The following ATP9B variants were observed in gnomAD, a reference collection of about 807,000 sequenced individuals.
ATP9B encodes the protein probable phospholipid-transporting ATPase IIB.
A neutral mutation model predicts 146.1 loss-of-function variants in ATP9B; 110 were observed. The observed-to-expected ratio is 0.75, with a 90% CI of 0.65 to 0.88. The LOEUF (loss-of-function observed/expected upper bound fraction) is 0.88. Ranked by LOEUF, ATP9B falls within the 40% of genes least tolerant of loss-of-function variation. ATP9B has a pLI of 0.00. For synonymous variants in ATP9B, 604 were observed against 569.7 expected (o/e 1.06, Z -0.86); for missense variants, 1,499 against 1,496.4 (o/e 1.00, Z -0.03).
intron 15 of ATP9B, among the ~76,000 whole-genome samples, chr18:79,319,686 T>C (rs2096704605): frequency 6.6e-6 from 1 of 152,214 alleles, no homozygotes; most frequent in East Asian, 1.9e-4. Flanking sequence ...AGAATATCTG[T>C]ACCGTATATC....
intron 1 of ATP9B, among the ~76,000 whole-genome samples, chr18:79,072,351 C>T (rs2071955918): frequency 6.6e-6 from 1 of 152,118 alleles, no homozygotes; most frequent in South Asian, 2.1e-4. Context: ...GTGGTGATGA[C>T]TCTTAACGAG....
intron 2 of ATP9B, among the ~76,000 whole-genome samples, chr18:79,107,614 C>T (rs1217530788): frequency 6.6e-6 from 1 of 152,166 alleles, no homozygotes; most frequent in Admixed American, 6.5e-5. Flanking sequence ...GACCAAGGAG[C>T]TTCCATAGGG....
intron 7 of ATP9B, among the ~76,000 whole-genome samples, chr18:79,167,896 C>G (rs73486150): frequency 7.9e-5 from 9 of 114,168 alleles, no homozygotes; most frequent in Non-Finnish European, 1.5e-4. Flanking sequence ...GTATGGTTCC[C>G]AGGCTGTTTG....
At chr18:79,157,224 AC>A (rs2094799755) in intron 7 of ATP9B, among the ~76,000 whole-genome samples, 2 of 150,162 alleles carry the variant, frequency 1.3e-5, no homozygotes, top group African/African-American at 4.9e-5. Flanking sequence ...ACACACACAC[AC>A]ACACACACAC....
At chr18:79,208,408 G>T (rs186700035) in intron 10 of ATP9B, among the ~76,000 whole-genome samples, 3 of 152,290 alleles carry the variant, frequency 2.0e-5, no homozygotes, top group Admixed American at 2.0e-4. Context: ...CTGAGAGACA[G>T]TACCTTGAAG....
At chr18:79,215,809 C>T (rs995626849) in intron 11 of ATP9B, among the ~76,000 whole-genome samples, 2 of 152,088 alleles carry the variant, frequency 1.3e-5, no homozygotes, top group South Asian at 4.1e-4. Flanking sequence ...CCTGCCTCAG[C>T]CTTGCGAGTA....
intron 1 of ATP9B, among the ~76,000 whole-genome samples, chr18:79,080,817 GTT>G (rs2073168286): frequency 6.6e-6 from 1 of 152,202 alleles, no homozygotes; most frequent in Admixed American, 6.5e-5. Flanking sequence ...TTTATTGAGA[GTT>G]TTCAGCATGA....
intron 5 of ATP9B, among the ~76,000 whole-genome samples, chr18:79,130,113 G>T (rs764329898): frequency 2.0e-5 from 3 of 152,144 alleles, no homozygotes; most frequent in Non-Finnish European, 4.4e-5. Flanking sequence ...CCCAGAAGAA[G>T]GTAATAGTAA....
chr18:79,329,173 C>T lies in ATP9B; in HGVS notation c.1806C>T (p.Gly602=), dbSNP rs1459619124. The stretch of plus-strand genomic sequence containing the variant: ...TGGTGCAGTGGACAGAGAGTGTGGG[C>T]CTCACGCTGGTCAGCAGGGACCTCA... ...VALVQWTESV[G]LTLVSRDLTS... is the part of the protein sequence containing the mutation. The change falls in exon 16 of 30, where the codon GGC becomes GGT. Residue 602 remains glycine (G), a synonymous_variant. Transcript: ENST00000426216. 7 of 1,609,772 alleles carry T rather than the reference C, an allele frequency of 4.3e-6. No individual in the cohort carries two copies. Among genetic ancestry groups the T allele is most frequent in the Non-Finnish European group, 5.9e-6 (7 of 1,178,904 alleles).
chr18:79,367,441 G>A (rs1459038142), intron 26 of ATP9B, among the ~76,000 whole-genome samples: 2 of 122,226 alleles, frequency 1.6e-5, no homozygotes, highest in African/African-American at 3.5e-5. Flanking sequence ...CCGTGTGTAC[G>A]CAGAGAAAGT....
intron 10 of ATP9B, among the ~76,000 whole-genome samples, chr18:79,208,210 A>G (rs12456485): frequency 0.29 from 44,668 of 152,170 alleles, 6,824 homozygotes; most frequent in African/African-American, 0.37. Context: ...GCGCCACTGC[A>G]CTCTAGCCTG....
At chr18:79,303,132 T>C (rs2096602064) in intron 13 of ATP9B, among the ~76,000 whole-genome samples, 1 of 152,106 alleles carries the variant, frequency 6.6e-6, no homozygotes, top group African/African-American at 2.4e-5. Context: ...TCAGAACACT[T>C]TAGGAGGCCA....
At chr18:79,319,556 C>T (rs563833196) in intron 15 of ATP9B, among the ~76,000 whole-genome samples, 1 of 152,326 alleles carries the variant, frequency 6.6e-6, no homozygotes, top group Non-Finnish European at 1.5e-5. Flanking sequence ...TTGCGTTGTC[C>T]TCCTCATTGT....
intron 9 of ATP9B, among the ~76,000 whole-genome samples, chr18:79,200,762 CG>C (rs1600406792): frequency 0.015 from 392 of 26,544 alleles, no homozygotes; most frequent in South Asian, 0.024. Context: ...GAGGTGGGAA[CG>C]TTGGGGTCAG....
At chr18:79,110,648 C>G (rs2075949130) in intron 3 of ATP9B, 143 bp downstream of exon 3, 2 of 691,266 alleles carry the variant, frequency 2.9e-6, no homozygotes, top group South Asian at 3.5e-5. Flanking sequence ...TTTGAACCAT[C>G]TGTGTTCCCA....
chr18:79,115,250 A>G, intron 4 of ATP9B: 1 of 133,336 alleles, frequency 7.5e-6, no homozygotes, highest in African/African-American at 3.1e-5. Flanking sequence ...ACTACAAACC[A>G]CTGCTCAAGG....
At chr18:79,108,602 G>C (rs551215318) in intron 2 of ATP9B, among the ~76,000 whole-genome samples, 1 of 152,158 alleles carries the variant, frequency 6.6e-6, no homozygotes, top group South Asian at 2.1e-4. Context: ...GAATAAGGGT[G>C]GGGGGAGCTG....
At position 79,236,751 on chromosome 18, in the gene ATP9B, TGCACGG is replaced by T. The variant is rs1364058582; in HGVS notation, c.1108-16629_1108-16624del. Reference sequence around the variant, plus strand: ...CCACACCTGCCCCTTCCCCACTGTGTGCACGGTCCGTGCACGAGTCAGTGTCCACAC... The same window carrying T: ...CCACACCTGCCCCTTCCCCACTGTGTTCCGTGCACGAGTCAGTGTCCACAC... On this transcript the variant is annotated intron_variant, in intron 11 of 29. Transcript: ENST00000426216. Among the ~76,000 whole-genome samples, 121 of 147,892 alleles carry T rather than the reference TGCACGG, an allele frequency of 8.2e-4. 3 individuals carry two copies. The highest frequency in any genetic ancestry group is 2.3e-3 in the African/African-American group (93 of 40,034).
intron 7 of ATP9B, among the ~76,000 whole-genome samples, chr18:79,163,869 TACACACACACACACAC>T (rs56408063): frequency 6.3e-5 from 9 of 142,680 alleles, no homozygotes; most frequent in Non-Finnish European, 1.2e-4. Flanking sequence ...TTTTATTTTA[TACACACACACACACAC>T]ACACACACAC....
Sources: allele counts gnomAD v4.1 joint callset (sites outside exome capture counted in the v4.1 genomes callset), GRCh38; gene constraint gnomAD v4.1.1; transcripts MANE v1.5; gene names NCBI Gene and HGNC (gene_info 2026-07-23, HGNC 2026-07-21).